The following SLC22A14 variants were observed in gnomAD, a reference collection of about 807,000 sequenced individuals.
SLC22A14 encodes the protein organic cation transporter-like 4.
Under a neutral mutation model 53.9 loss-of-function variants are expected in SLC22A14, and 50 were observed. That is an observed-to-expected ratio of 0.93 (90% CI 0.74 to 1.17). The LOEUF is 1.17. SLC22A14 is among the 50% of genes most tolerant of loss of function. The pLI, the probability that SLC22A14 is intolerant of heterozygous loss-of-function variation, is 0.00. For synonymous variants in SLC22A14, 312 were observed against 303.0 expected (o/e 1.03, Z -0.31); for missense variants, 671 against 734.7 (o/e 0.91, Z 1.00).
chr3:38,317,124 C>T (rs1248759838), intron 10 of SLC22A14, among the ~76,000 whole-genome samples: 3 of 152,204 alleles, frequency 2.0e-5, no homozygotes, highest in African/African-American at 7.2e-5. Context: ...CCAATGAACA[C>T]GCTCTCCCTG....
upstream of SLC22A14, among the ~76,000 whole-genome samples, chr3:38,281,669 G>T (rs866257530): frequency 6.6e-6 from 1 of 152,194 alleles, no homozygotes; most frequent in Non-Finnish European, 1.5e-5. Context: ...GCCCCATCAC[G>T]CTACCACACT....
chr3:38,304,231 G>A lies in SLC22A14; in HGVS notation c.1-1796G>A, dbSNP rs1704242344. Among the ~76,000 whole-genome samples, 5 of 150,842 alleles carry A rather than the reference G, an allele frequency of 3.3e-5. No homozygotes were observed. The South Asian group carries it at 1.0e-3, about 31-fold the overall frequency. On this transcript the variant is annotated intron_variant, in intron 1 of 10. Coordinates refer to ENST00000448498, the MANE Select transcript of SLC22A14 (RefSeq NM_001320033.2). ...GTTCAATCAAATCAGGTCTCTTACT[G>A]TGTGTTCTCTCAATTTCTTGTTATC...
In SLC22A14 at chr3:38,313,106, A is replaced by T. The variant is rs775655120; in HGVS notation, c.1052A>T (p.Asn351Ile). 10 of 1,610,280 alleles carry T rather than the reference A, an allele frequency of 6.2e-6. No individual in the cohort carries two copies. The highest frequency in any genetic ancestry group is 8.5e-6 in the Non-Finnish European group (10 of 1,178,588). ...GTGAACAAGAAGACCATTCCTTCAA[A>T]TCTGCTGGACGAGGTAAAGGGCTTC... is the stretch of plus-strand genomic sequence containing the variant. ...ASVNKKTIPS[N>I]LLDELQLPRK... is the part of the protein sequence containing the mutation. The change falls in exon 6 of 11, where the codon AAT (asparagine) becomes ATT (isoleucine). Residue 351 changes from asparagine (N) to isoleucine (I), a missense_variant. Physicochemically the swap from Asn to Ile is moderately radical, Grantham distance 149. Transcript: ENST00000448498.
At chr3:38,316,608 A>G (rs1704629709) in intron 10 of SLC22A14, 84 bp downstream of exon 10, 4 of 1,225,054 alleles carry the variant, frequency 3.3e-6, no homozygotes, top group African/African-American at 3.0e-5. Flanking sequence ...GACATTGTCC[A>G]TCCCCGCCCC....
chr3:38,318,292 A>T lies in SLC22A14; in HGVS notation c.*43A>T. The T allele has an allele frequency of 6.5e-7, 1 of 1,548,422 alleles. No homozygotes were observed. The highest frequency in any genetic ancestry group is 8.9e-7 in the Non-Finnish European group (1 of 1,119,942). On this transcript the variant is annotated 3_prime_UTR_variant, in exon 11 of 11. Transcript: ENST00000448498. ...TCATTCTCAATGCCCAGATCCTGAG[A>T]TTGGACCCATACCCTGTCTCCAACC...
chr3:38,311,575 G>A (rs1704468046), intron 5 of SLC22A14, among the ~76,000 whole-genome samples: 1 of 152,178 alleles, frequency 6.6e-6, no homozygotes, highest in African/African-American at 2.4e-5. Context: ...ACTATAAGTA[G>A]TCAAGAGAAG....
chr3:38,278,953 TAGAAAA>T (rs1293769795), upstream of SLC22A14, among the ~76,000 whole-genome samples: 6 of 151,786 alleles, frequency 4.0e-5, no homozygotes, highest in African/African-American at 1.5e-4. Flanking sequence ...AAATGGTAGA[TAGAAAA>T]AGAGCTTGCC....
intron 1 of SLC22A14, among the ~76,000 whole-genome samples, chr3:38,283,793 A>G (rs1226852631): frequency 6.6e-6 from 1 of 152,120 alleles, no homozygotes; most frequent in Non-Finnish European, 1.5e-5. Flanking sequence ...TCACACCACT[A>G]CATTCCAGCC....
upstream of SLC22A14, among the ~76,000 whole-genome samples, chr3:38,281,542 C>G (rs1288471493): frequency 6.6e-6 from 1 of 152,160 alleles, no homozygotes; most frequent in South Asian, 2.1e-4. Context: ...CTTTCTTCCT[C>G]TTGTTATAAA....
chr3:38,306,489 T>A lies in SLC22A14; in HGVS notation c.463T>A (p.Cys155Ser). The A allele has an allele frequency of 1.9e-6, 3 of 1,614,180 alleles. No individual in the cohort carries two copies. Among genetic ancestry groups the A allele is most frequent in the Non-Finnish European group, 2.5e-6 (3 of 1,179,998 alleles). Reference protein sequence around the residue: ...IQFGLNDTDTCQDGWIYPDAK... With the variant: ...IQFGLNDTDTSQDGWIYPDAK... ...GTTTGGCCTCAATGACACAGACACA[T>A]GCCAAGATGGGTGGATCTATCCTGA... is the stretch of plus-strand genomic sequence containing the variant. Residue 155 changes from cysteine to serine, a missense_variant, in exon 2 of 11, where the codon TGC (cysteine) becomes AGC (serine). Physicochemically the swap from Cys to Ser is moderately radical, Grantham distance 112 (BLOSUM62 -1). Transcript: ENST00000448498.
At chr3:38,288,600 T>A (rs1471629220) in intron 1 of SLC22A14, among the ~76,000 whole-genome samples, 1 of 152,226 alleles carries the variant, frequency 6.6e-6, no homozygotes, top group Non-Finnish European at 1.5e-5. Context: ...CCTTTTCTTT[T>A]AAAAAATTAA....
chr3:38,302,007 C>T (rs1027895771), intron 1 of SLC22A14, among the ~76,000 whole-genome samples: 6 of 150,876 alleles, frequency 4.0e-5, no homozygotes, highest in African/African-American at 4.8e-5. Flanking sequence ...CCAGGGCAGG[C>T]GGATCACCCA....
chr3:38,301,537 G>T (rs552787516), intron 1 of SLC22A14, among the ~76,000 whole-genome samples: 2 of 152,070 alleles, frequency 1.3e-5, no homozygotes, highest in Admixed American at 1.3e-4. Context: ...CACATTATAC[G>T]CAGCTACCTT....
chr3:38,306,043 A>C lies in SLC22A14; in HGVS notation c.17A>C (p.Asn6Thr), dbSNP rs1045911409. The change falls in exon 2 of 11, where the codon AAC becomes ACC. Residue 6 changes from asparagine (N) to threonine (T), a missense_variant. By Grantham distance (65) the Asn-to-Thr change is moderately conservative (BLOSUM62 0). Transcript: ENST00000448498. Reference protein sequence around the residue: MAGEENFKEELRSQDA... With the variant: MAGEETFKEELRSQDA... ...TTTGGACAGATGGCAGGAGAGGAGA[A>C]CTTCAAGGAAGAGCTCAGATCCCAG... 1 of 1,612,064 alleles carries C rather than the reference A, an allele frequency of 6.2e-7. No homozygotes were observed. The highest frequency in any genetic ancestry group is 8.5e-7 in the Non-Finnish European group (1 of 1,178,814).
intron 5 of SLC22A14, among the ~76,000 whole-genome samples, chr3:38,311,248 C>G (rs1488386501): frequency 6.6e-6 from 1 of 152,198 alleles, no homozygotes; most frequent in African/African-American, 2.4e-5. Context: ...CTGAAGGTCC[C>G]TCTTTTGACC....
intron 2 of SLC22A14, 39 bp downstream of exon 2, chr3:38,306,581 G>A: frequency 1.3e-6 from 2 of 1,562,198 alleles, no homozygotes; most frequent in Non-Finnish European, 1.7e-6. Context: ...TACCCTACAG[G>A]CTCAGAGTTG....
rs77422312 is a variant in SLC22A14 at position 38,287,128 on chromosome 3, A to G, written c.-1+4789A>G. Among the ~76,000 whole-genome samples the G allele has an allele frequency of 2.3e-3, 356 of 151,934 alleles. 1 individual carries two copies. The highest frequency in any genetic ancestry group is 4.2e-3 in the Non-Finnish European group (282 of 67,944). On this transcript the variant is annotated intron_variant, in intron 1 of 10. Coordinates refer to ENST00000448498, the MANE Select transcript of SLC22A14 (RefSeq NM_001320033.2). ...GTGTGTGCGTGTGTGTGTGTGTGCA[A>G]ATATCTCCTTCCAGTTGTGTCCAGT...
rs373298054 is a variant in SLC22A14, at chr3:38,298,542, G to C, written c.1-7485G>C. On this transcript the variant is annotated intron_variant, in intron 1 of 10. Transcript: ENST00000448498. ...ATCCAAGACCACAGTCTTCATTCTA[G>C]TCTTCCCTGTCTTGTGTGTGTGTGT... 3.3e-4 allele frequency among the ~76,000 whole-genome samples: 47 copies of C among 141,432 alleles called. 1 individual carries two copies. The South Asian group carries it at 0.011, about 34-fold the overall frequency. The allele number at this position is 141,432 out of a possible 152,430, so 92.8% of individuals were successfully genotyped here.
Position 38,307,279 on chromosome 3 carries a change from C to G in SLC22A14, c.542C>G (p.Thr181Arg). 1 of 1,613,950 alleles carries G rather than the reference C, an allele frequency of 6.2e-7. No individual in the cohort carries two copies. Among genetic ancestry groups the G allele is most frequent in the Non-Finnish European group, 8.5e-7 (1 of 1,179,808 alleles). Residue 181 changes from threonine (T) to arginine (R), a missense_variant, in exon 3 of 11, where the codon ACG becomes AGG. Thr to Arg is a moderately conservative substitution (Grantham distance 71, BLOSUM62 -1). Coordinates refer to ENST00000448498, the MANE Select transcript of SLC22A14 (RefSeq NM_001320033.2). The surrounding 1 kb of genome is among the most constrained non-coding windows in gnomAD (Gnocchi z 4.4). ...TTTGACTTGGTATGTGGCATGGAGA[C>G]GAAGAAGGACACTGCACAGATCATG... ...NEFDLVCGME[T>R]KKDTAQIMFM...
Sources: gnomAD v4.1 joint callset for allele counts (sites outside exome capture counted in the v4.1 genomes callset) on GRCh38, gnomAD v4.1.1 for gene constraint, Gnocchi (gnomAD v3.1) non-coding constraint, MANE v1.5 for transcripts, NCBI Gene and HGNC (gene_info 2026-07-23, HGNC 2026-07-21) for gene names.